Variants in TMEM178A observed in about 807,000 individuals in gnomAD.
The protein encoded by TMEM178A is transmembrane protein 178A, also known as transmembrane protein 178.
TMEM178A carries 12 observed loss-of-function variants against 29.1 expected under a neutral mutation model. The observed-to-expected ratio is 0.41, with a 90% CI of 0.26 to 0.67. The LOEUF (loss-of-function observed/expected upper bound fraction) is 0.67, where lower values mean the gene tolerates loss of function less well. TMEM178A is among the 30% of genes least tolerant of loss of function. The pLI is 0.29. For missense variants in TMEM178A, 366 were observed against 419.1 expected (o/e 0.87, Z 1.11); for synonymous variants, 210 against 187.2 (o/e 1.12, Z -0.99).
the TMEM178A span, among the ~76,000 whole-genome samples, chr2:39,735,564 T>G: frequency 6.6e-6 from 1 of 152,352 alleles, no homozygotes; most frequent in East Asian, 1.9e-4. Flanking sequence ...TTAACCCAAG[T>G]AGGCCAGATA....
chr2:39,727,017 GTTTC>G, the TMEM178A span, among the ~76,000 whole-genome samples: 6 of 152,296 alleles, frequency 3.9e-5, no homozygotes, highest in Non-Finnish European at 5.9e-5. Context: ...GTTTTGAGTT[GTTTC>G]TTTAAATTTC....
chr2:39,689,817 A>G (rs934415767), intron 1 of TMEM178A, among the ~76,000 whole-genome samples: 1 of 152,228 alleles, frequency 6.6e-6, no homozygotes, highest in South Asian at 2.1e-4. Flanking sequence ...CCCTGTGGTA[A>G]CTCAGGAGTC....
At chr2:39,719,525 C>T (rs1422903620), downstream of TMEM178A, among the ~76,000 whole-genome samples, 1 of 152,228 alleles carries the variant, frequency 6.6e-6, no homozygotes, top group Non-Finnish European at 1.5e-5. Context: ...CAAGGTTCCT[C>T]GCTTTCTACT....
In TMEM178A at chr2:39,708,585, A is replaced by G. The variant is rs568685798; in HGVS notation, c.652+1399A>G. ...AGGCGCGCGCCACCATGCCCGGCTAATTTTTGTATTTTTAGTAGAGACGGG... is the reference window on the plus strand; with the variant it reads ...AGGCGCGCGCCACCATGCCCGGCTAGTTTTTGTATTTTTAGTAGAGACGGG... On this transcript the variant is annotated intron_variant, in intron 3 of 3. Coordinates refer to ENST00000281961, the MANE Select transcript of TMEM178A (RefSeq NM_152390.3). Among the ~76,000 whole-genome samples the G allele has an allele frequency of 3.4e-3, 517 of 150,468 alleles. 3 individuals are homozygous for G. The highest frequency in any genetic ancestry group is 0.012 in the African/African-American group (501 of 40,962).
chr2:39,677,510 T>A (rs559440508), intron 1 of TMEM178A, among the ~76,000 whole-genome samples: 1 of 152,306 alleles, frequency 6.6e-6, no homozygotes, highest in Admixed American at 6.5e-5. Context: ...CAATTCTAAT[T>A]TGAAGAAAAG....
chr2:39,691,668 G>A (rs1033123669), intron 1 of TMEM178A, among the ~76,000 whole-genome samples: 9 of 152,074 alleles, frequency 5.9e-5, no homozygotes, highest in Admixed American at 1.3e-4. Context: ...TCAGGATCTC[G>A]AAGAAATGTC....
chr2:39,675,433 C>G (rs193210190), intron 1 of TMEM178A, among the ~76,000 whole-genome samples: 77 of 152,130 alleles, frequency 5.1e-4, no homozygotes, highest in South Asian at 1.0e-3. Context: ...GTATGCCATA[C>G]AAATGTGACA....
chr2:39,691,046 C>A (rs1671297409), intron 1 of TMEM178A, among the ~76,000 whole-genome samples: 1 of 151,970 alleles, frequency 6.6e-6, no homozygotes, highest in Admixed American at 6.6e-5. Context: ...GAGAAACAAA[C>A]AAACAAAAGA....
chr2:39,711,044 C>A (rs779169183), intron 3 of TMEM178A, among the ~76,000 whole-genome samples: 3 of 152,224 alleles, frequency 2.0e-5, no homozygotes, highest in Non-Finnish European at 4.4e-5. Context: ...CATGCAAGGG[C>A]CCTCCCAGAG....
At chr2:39,671,516 G>C (rs1670407369) in intron 1 of TMEM178A, among the ~76,000 whole-genome samples, 1 of 152,146 alleles carries the variant, frequency 6.6e-6, no homozygotes, top group South Asian at 2.1e-4. Flanking sequence ...GGATTCCTCA[G>C]TTTTGGGGGT....
intron 2 of TMEM178A, among the ~76,000 whole-genome samples, chr2:39,706,284 A>G (rs1558461501): frequency 6.6e-6 from 1 of 152,168 alleles, no homozygotes; most frequent in Non-Finnish European, 1.5e-5. Flanking sequence ...GTGGAGACTC[A>G]TCCTATTGGA....
At chr2:39,665,831 G>A (rs867524797), upstream of TMEM178A, 32 of 769,750 alleles carry the variant, frequency 4.2e-5, no homozygotes, top group Middle Eastern at 4.2e-4. Flanking sequence ...GCCGGGCCGG[G>A]CTCGCAGGGC....
At chr2:39,700,804 C>A (rs1229869752) in intron 1 of TMEM178A, among the ~76,000 whole-genome samples, 1 of 145,356 alleles carries the variant, frequency 6.9e-6, no homozygotes, top group East Asian at 2.0e-4. Flanking sequence ...CTTTTTAATT[C>A]TTTTTGTTGT....
At chr2:39,696,139 T>G (rs1671532540) in intron 1 of TMEM178A, among the ~76,000 whole-genome samples, 1 of 152,146 alleles carries the variant, frequency 6.6e-6, no homozygotes, top group South Asian at 2.1e-4. Context: ...TATCTAGCAG[T>G]GGCATGCAGG....
the TMEM178A span, among the ~76,000 whole-genome samples, chr2:39,732,129 A>G: frequency 2.0e-5 from 3 of 152,064 alleles, no homozygotes; most frequent in Non-Finnish European, 4.4e-5. Context: ...TTCCAGGAAA[A>G]GTGTATAATG....
intron 1 of TMEM178A, among the ~76,000 whole-genome samples, chr2:39,691,552 A>G (rs1329832369): frequency 6.6e-6 from 1 of 152,226 alleles, no homozygotes; most frequent in Non-Finnish European, 1.5e-5. Context: ...ATAAATTGGT[A>G]CAACCATTAT....
At chr2:39,723,635 T>C in the TMEM178A span, among the ~76,000 whole-genome samples, 5 of 152,188 alleles carry the variant, frequency 3.3e-5, no homozygotes, top group African/African-American at 1.2e-4. Flanking sequence ...CAGTACCTCC[T>C]CAGTGACTGT....
chr2:39,710,006 G>C (rs1450191294), intron 3 of TMEM178A, among the ~76,000 whole-genome samples: 3 of 152,176 alleles, frequency 2.0e-5, no homozygotes, highest in Non-Finnish European at 4.4e-5. Flanking sequence ...TCAATGGCAG[G>C]TGGGCACAGA....
In TMEM178A at chr2:39,717,423, C is replaced by A; in HGVS notation, c.*172C>A. The A allele has an allele frequency of 2.2e-6, 2 of 918,548 alleles. No homozygotes were observed. The highest frequency in any genetic ancestry group is 3.1e-6 in the Non-Finnish European group (2 of 639,220). The allele number at this position is 918,548 out of a possible 1,614,324, so 56.9% of individuals were successfully genotyped here. The stretch of plus-strand genomic sequence containing the variant: ...CCTCCCAACCTTTCTAAGGACAAGA[C>A]TACTGTGGATTCAAGTGCTTTAATG... On this transcript the variant is annotated 3_prime_UTR_variant, in exon 4 of 4. Coordinates refer to ENST00000281961, the MANE Select transcript of TMEM178A (RefSeq NM_152390.3).
Sources: allele counts gnomAD v4.1 joint callset (sites outside exome capture counted in the v4.1 genomes callset), GRCh38; gene constraint gnomAD v4.1.1; transcripts MANE v1.5; gene names NCBI Gene and HGNC (gene_info 2026-07-23, HGNC 2026-07-21).